Variants in PCDHGA2 observed in about 807,000 individuals in gnomAD.
The protein encoded by PCDHGA2 is protocadherin gamma subfamily A, 2.
PCDHGA2 carries 40 observed loss-of-function variants against 59.2 expected under a neutral mutation model. That is an observed-to-expected ratio of 0.68 (90% CI 0.52 to 0.88). The LOEUF (loss-of-function observed/expected upper bound fraction) is 0.88, where lower values mean the gene tolerates loss of function less well. Ranked by LOEUF, PCDHGA2 falls within the 40% of genes least tolerant of loss-of-function variation. The pLI, the probability that PCDHGA2 is intolerant of heterozygous loss-of-function variation, is 0.00. For synonymous variants in PCDHGA2, 560 were observed against 526.0 expected, an observed-to-expected ratio of 1.06 and a Z score of -0.89; for missense variants, 1,226 against 1,204.0, an observed-to-expected ratio of 1.02 and a Z score of -0.27.
intron 2 of PCDHGA2, among the ~76,000 whole-genome samples, chr5:141,496,230 C>T (rs1336418553): frequency 2.6e-5 from 4 of 152,160 alleles, no homozygotes; most frequent in Admixed American, 2.0e-4. Flanking sequence ...AGACAGGAAC[C>T]CCCTGCGGGC....
chr5:141,357,648 C>G, intron 1 of PCDHGA2: 5 of 1,609,552 alleles, frequency 3.1e-6, no homozygotes, highest in Non-Finnish European at 4.2e-6. Flanking sequence ...ATAGATCATA[C>G]CACACTGAAA....
intron 1 of PCDHGA2, among the ~76,000 whole-genome samples, chr5:141,438,921 C>T (rs1204218608): frequency 6.6e-6 from 1 of 151,970 alleles, no homozygotes; most frequent in Non-Finnish European, 1.5e-5. Context: ...CTGCCTTGGC[C>T]TCCCAAAGTG....
chr5:141,457,972 A>AC (rs1198043621), intron 1 of PCDHGA2, among the ~76,000 whole-genome samples: 4 of 152,218 alleles, frequency 2.6e-5, no homozygotes, highest in African/African-American at 9.6e-5. Flanking sequence ...TTAAAGGGAA[A>AC]CACACCCTTT....
rs370995300 is a variant in PCDHGA2, at chr5:141,399,359, C to T, written c.2424+57964C>T. ...GATGGAACCCTAGACCGAGAGCAAACCCCGGAGTACAATGTCACCATCACA... is the reference window on the plus strand; with the variant it reads ...GATGGAACCCTAGACCGAGAGCAAATCCCGGAGTACAATGTCACCATCACA... On this transcript the variant is annotated intron_variant, in intron 1 of 3. Coordinates refer to ENST00000394576, the MANE Select transcript of PCDHGA2 (RefSeq NM_018915.4). 2.6e-4 allele frequency: 427 copies of T among 1,613,884 alleles called. No individual in the cohort carries two copies. The highest frequency in any genetic ancestry group is 1.2e-4 in the Non-Finnish European group (140 of 1,179,916).
intron 1 of PCDHGA2, 144 bp from the exon 2 acceptor site, chr5:141,494,663 G>A: frequency 6.7e-7 from 1 of 1,499,356 alleles, no homozygotes; most frequent in Non-Finnish European, 9.0e-7. Flanking sequence ...TGTCTTTGGA[G>A]ATGAGTCCAC....
At chr5:141,420,817 A>G (rs547074952) in intron 1 of PCDHGA2, among the ~76,000 whole-genome samples, 2 of 152,354 alleles carry the variant, frequency 1.3e-5, no homozygotes, top group South Asian at 2.1e-4. Flanking sequence ...AGCCCTTTTA[A>G]TAATTACTCC....
chr5:141,362,156 A>T (rs1762353801), intron 1 of PCDHGA2: 1 of 1,613,872 alleles, frequency 6.2e-7, no homozygotes, highest in Non-Finnish European at 8.5e-7. Flanking sequence ...GTATTGCCAG[A>T]CCTCAGCGAC....
rs372054375 is a variant in PCDHGA2, at chr5:141,490,825, A to T, written c.2425-3982A>T. 9 of 1,613,692 alleles carry T rather than the reference A, an allele frequency of 5.6e-6. No individual in the cohort carries two copies. The highest frequency in any genetic ancestry group is 3.3e-4 in the Middle Eastern group (2 of 6,062). On this transcript the variant is annotated intron_variant, in intron 1 of 3. Transcript: ENST00000394576. This position sits in a 1 kb window ranked among gnomAD's most constrained non-coding sequence, Gnocchi z 5.4. ...TACCTTTGACTATGAATTGCTGCAG[A>T]TGCTGCAGATTGTGGTGGGGGTTCG... is the stretch of plus-strand genomic sequence containing the variant.
intron 1 of PCDHGA2, among the ~76,000 whole-genome samples, chr5:141,467,397 TAGAA>T (rs1326936900): frequency 6.6e-6 from 1 of 152,106 alleles, no homozygotes; most frequent in Non-Finnish European, 1.5e-5. Flanking sequence ...AAGTCATAGT[TAGAA>T]AGCCTTTCCC....
intron 1 of PCDHGA2, chr5:141,412,954 C>A (rs2095592297): frequency 2.1e-6 from 1 of 482,442 alleles, no homozygotes; most frequent in Non-Finnish European, 3.6e-6. Flanking sequence ...CGCCGCTGTT[C>A]ACCTACTAGG....
intron 1 of PCDHGA2, chr5:141,422,139 A>G (rs2096627272): frequency 6.3e-7 from 1 of 1,588,154 alleles, no homozygotes. Context: ...AAGTTCAAGT[A>G]CGGGGGTCTC....
At chr5:141,415,736 TAAGG>T (rs2095905512) in intron 1 of PCDHGA2, 1 of 1,289,864 alleles carries the variant, frequency 7.8e-7, no homozygotes, top group Admixed American at 3.4e-5. Flanking sequence ...TGATGTTTAT[TAAGG>T]TTTTTTTTTT....
intron 1 of PCDHGA2, chr5:141,375,654 A>G (rs1771718244): frequency 6.2e-7 from 1 of 1,614,106 alleles, no homozygotes. Context: ...GACTATGAGC[A>G]GTTGAGAGAC....
intron 1 of PCDHGA2, among the ~76,000 whole-genome samples, chr5:141,348,447 A>T (rs1327232590): frequency 6.6e-6 from 1 of 152,238 alleles, no homozygotes; most frequent in Non-Finnish European, 1.5e-5. Context: ...TTTTAGAAAA[A>T]AAAATGTTTA....
intron 1 of PCDHGA2, chr5:141,419,468 C>T: frequency 6.2e-7 from 1 of 1,612,484 alleles, no homozygotes; most frequent in Non-Finnish European, 8.5e-7. Flanking sequence ...GGCCCGCGAC[C>T]AGGGCTCGCC....
chr5:141,480,660 C>T (rs535356928), intron 1 of PCDHGA2, among the ~76,000 whole-genome samples: 2 of 152,170 alleles, frequency 1.3e-5, no homozygotes, highest in Non-Finnish European at 2.9e-5. Flanking sequence ...ACATTAAAAT[C>T]ACCTAGAGAC....
chr5:141,339,408 C>G lies in PCDHGA2; in HGVS notation c.437C>G (p.Thr146Ser). The change falls in exon 1 of 4, where the codon ACT becomes AGT. Residue 146 changes from threonine (T) to serine (S), a missense_variant. Thr to Ser is a moderately conservative substitution (Grantham distance 58, BLOSUM62 1). Coordinates refer to ENST00000394576, the MANE Select transcript of PCDHGA2 (RefSeq NM_018915.4). ...EELELKISET[T>S]TPGFRIPLKN... ...CTGGAGCTAAAAATCAGTGAAACCA[C>G]TACGCCAGGATTCCGGATTCCTCTT... 6.2e-7 allele frequency: 1 copy of G among 1,614,228 alleles called. No individual in the cohort carries two copies. The highest frequency in any genetic ancestry group is 8.5e-7 in the Non-Finnish European group (1 of 1,180,030).
chr5:141,458,575 G>A (rs1337776166), intron 1 of PCDHGA2, among the ~76,000 whole-genome samples: 1 of 151,346 alleles, frequency 6.6e-6, no homozygotes, highest in Non-Finnish European at 1.5e-5. Context: ...GTTTTTGTTT[G>A]TTTGTTTGTT....
At position 141,476,455 on chromosome 5, in the gene PCDHGA2, G is replaced by A. The variant is rs572682842; in HGVS notation, c.2425-18352G>A. The A allele has an allele frequency of 1.2e-6, 2 of 1,614,034 alleles. No individual in the cohort carries two copies. The highest frequency in any genetic ancestry group is 2.2e-5 in the South Asian group (2 of 91,084). ...CTGTAACTCTGGAGTTGGTAGTGGA[G>A]AACCCGCTGGAGCTGTTCAGCGTGG... On this transcript the variant is annotated intron_variant, in intron 1 of 3. Coordinates refer to ENST00000394576, the MANE Select transcript of PCDHGA2 (RefSeq NM_018915.4). This position sits in a 1 kb window ranked among gnomAD's most constrained non-coding sequence, Gnocchi z 7.6.
Sources: gnomAD v4.1 joint callset for allele counts (sites outside exome capture counted in the v4.1 genomes callset) on GRCh38, gnomAD v4.1.1 for gene constraint, Gnocchi (gnomAD v3.1) non-coding constraint, MANE v1.5 for transcripts, NCBI Gene and HGNC (gene_info 2026-07-23, HGNC 2026-07-21) for gene names.